The following AIG1 variants were observed in gnomAD, a reference collection of about 807,000 sequenced individuals.
The protein encoded by AIG1 is androgen induced 1, also known as androgen-induced gene 1 protein.
AIG1 carries 23 observed loss-of-function variants against 31.4 expected under a neutral mutation model. The ratio of observed to expected loss-of-function variants is 0.73; its 90% CI spans 0.53 to 1.04. The LOEUF is 1.04. AIG1 is among the 50% of genes least tolerant of loss of function. The pLI is 0.00. For synonymous variants in AIG1, 100 were observed against 110.5 expected, an observed-to-expected ratio of 0.90 and a Z score of 0.60; for missense variants, 274 against 295.0, an observed-to-expected ratio of 0.93 and a Z score of 0.52.
chr6:143,062,469 T>C (rs962174268), intron 1 of AIG1, among the ~76,000 whole-genome samples: 1 of 152,216 alleles, frequency 6.6e-6, no homozygotes, highest in Non-Finnish European at 1.5e-5. Context: ...TTTCTGTCTG[T>C]TCCTTTTAGC....
chr6:143,343,233 G>T (rs997018906), downstream of AIG1: 17 of 666,088 alleles, frequency 2.6e-5, no homozygotes, highest in Non-Finnish European at 4.9e-5. Context: ...GAAATTTTTT[G>T]ATTATGCAGC....
In AIG1 at chr6:143,153,021, G is replaced by A. The variant is rs530977247; in HGVS notation, c.298-12061G>A. 2.2e-4 allele frequency among the ~76,000 whole-genome samples: 33 copies of A among 152,298 alleles called. No individual in the cohort carries two copies. In the South Asian group the frequency reaches 6.6e-3, roughly 31 times the overall value. On this transcript the variant is annotated intron_variant, in intron 2 of 5. Coordinates refer to ENST00000357847, the MANE Select transcript of AIG1 (RefSeq NM_016108.4). The stretch of plus-strand genomic sequence containing the variant: ...AAGATTGGTGTGGTTTCAGCCTAAA[G>A]TCACGGGATGACACAGGGTACAACC...
intron 3 of AIG1, among the ~76,000 whole-genome samples, chr6:143,226,134 T>A (rs1021459328): frequency 6.6e-6 from 1 of 152,168 alleles, no homozygotes; most frequent in African/African-American, 2.4e-5. Flanking sequence ...TCAACATTTA[T>A]CCACTTGTTT....
chr6:143,248,962 T>C (rs1794803457), intron 3 of AIG1, among the ~76,000 whole-genome samples: 1 of 152,200 alleles, frequency 6.6e-6, no homozygotes, highest in Non-Finnish European at 1.5e-5. Flanking sequence ...GTTCATTCTT[T>C]AGAGGGAAAT....
intron 1 of AIG1, among the ~76,000 whole-genome samples, chr6:143,101,907 T>C (rs999638857): frequency 3.9e-5 from 6 of 152,034 alleles, no homozygotes; most frequent in Non-Finnish European, 8.8e-5. Flanking sequence ...AATGCCCAAG[T>C]TTCCCTTTAT....
rs557258166 is a variant in AIG1 at position 143,159,080 on chromosome 6, G to A, written c.298-6002G>A. On this transcript the variant is annotated intron_variant, in intron 2 of 5. Transcript: ENST00000357847. Reference sequence around the variant, plus strand: ...CAACAGAGCCCTGGAGGGTCTAGTGGTGGCTTCCATGTGGAGGTGCTATTT... The same window carrying A: ...CAACAGAGCCCTGGAGGGTCTAGTGATGGCTTCCATGTGGAGGTGCTATTT... Among the ~76,000 whole-genome samples, 26 of 152,344 alleles carry A rather than the reference G, an allele frequency of 1.7e-4. No homozygotes were observed. In the South Asian group the frequency reaches 5.4e-3, roughly 32 times the overall value.
intron 4 of AIG1, among the ~76,000 whole-genome samples, chr6:143,322,244 A>G (rs1776272672): frequency 6.6e-6 from 1 of 152,226 alleles, no homozygotes; most frequent in Admixed American, 6.5e-5. Flanking sequence ...AGTACCAAAA[A>G]TAAGCATCTA....
intron 4 of AIG1, among the ~76,000 whole-genome samples, chr6:143,300,933 A>C (rs1225585096): frequency 1.3e-5 from 2 of 152,082 alleles, no homozygotes; most frequent in East Asian, 3.8e-4. Flanking sequence ...CACTTTTAAT[A>C]GTTTATTTTA....
rs1002413432 is a variant in AIG1, at chr6:143,330,930, A to T, written c.516-2352A>T. Among the ~76,000 whole-genome samples, 1 of 152,228 alleles carries T rather than the reference A, an allele frequency of 6.6e-6. No individual in the cohort carries two copies. Among genetic ancestry groups the T allele is most frequent in the Non-Finnish European group, 1.5e-5 (1 of 68,042 alleles). On this transcript the variant is annotated intron_variant, in intron 4 of 5. Transcript: ENST00000357847. The surrounding 1 kb of genome is among the most constrained non-coding windows in gnomAD (Gnocchi z 4.4). ...CTCAGAATCCCACAGGGTAGTTCTAACCATTTAATTTCTGCGGATTCTCAC... is the reference window on the plus strand; with the variant it reads ...CTCAGAATCCCACAGGGTAGTTCTATCCATTTAATTTCTGCGGATTCTCAC...
intron 4 of AIG1, among the ~76,000 whole-genome samples, chr6:143,306,031 C>T (rs11155290): frequency 7.0e-6 from 1 of 143,830 alleles, no homozygotes; most frequent in African/African-American, 2.6e-5. Context: ...TGTTTTATCA[C>T]AGACTAGGAT....
At chr6:143,274,705 T>C (rs2128670536) in intron 3 of AIG1, among the ~76,000 whole-genome samples, 1 of 151,842 alleles carries the variant, frequency 6.6e-6, no homozygotes, top group South Asian at 2.1e-4. Context: ...CAAACGAGCA[T>C]GGGAAGCAGT....
chr6:143,205,321 G>T (rs1350584596), intron 3 of AIG1, among the ~76,000 whole-genome samples: 1 of 152,200 alleles, frequency 6.6e-6, no homozygotes, highest in Non-Finnish European at 1.5e-5. Flanking sequence ...AGCTGTATGA[G>T]GGTGACAGTC....
chr6:143,135,445 CA>C (rs1477948833), intron 1 of AIG1, among the ~76,000 whole-genome samples: 2 of 152,116 alleles, frequency 1.3e-5, no homozygotes, highest in Admixed American at 6.5e-5. Flanking sequence ...TTCTAGTTAT[CA>C]AAACATGACT....
chr6:143,146,576 C>T (rs915457371), intron 2 of AIG1, among the ~76,000 whole-genome samples: 20 of 151,818 alleles, frequency 1.3e-4, no homozygotes, highest in African/African-American at 3.6e-4. Context: ...TCTCCTTTCA[C>T]CTCATCCCTC....
At chr6:143,165,410 C>T (rs1473806903) in intron 3 of AIG1, among the ~76,000 whole-genome samples, 1 of 152,136 alleles carries the variant, frequency 6.6e-6, no homozygotes, top group East Asian at 1.9e-4. Flanking sequence ...GATGAATCCA[C>T]AGATTATTAA....
At chr6:143,072,128 C>T (rs1231515889) in intron 1 of AIG1, among the ~76,000 whole-genome samples, 3 of 151,988 alleles carry the variant, frequency 2.0e-5, no homozygotes, top group African/African-American at 7.2e-5. Flanking sequence ...AAATGGCTAA[C>T]GACGTTGAAT....
At chr6:143,189,380 C>A (rs56057685) in intron 3 of AIG1, 150,529 of 965,814 alleles carry the variant, frequency 0.16, 12,679 homozygotes, top group Non-Finnish European at 0.17. Context: ...CCACACCCAG[C>A]CCCTGCTCAC....
intron 1 of AIG1, among the ~76,000 whole-genome samples, chr6:143,109,949 A>C (rs571966146): frequency 1.3e-5 from 2 of 152,310 alleles, no homozygotes; most frequent in Admixed American, 1.3e-4. Flanking sequence ...ATATTTACCC[A>C]ATCCAAGGTC....
rs1776534263 is a variant in AIG1, at chr6:143,325,465, G to A, written c.516-7817G>A. Reference sequence around the variant, plus strand: ...GACTGCCTTCAGAACATCTCCACTTGGATATTTTACAGGTACCTCAAACTC... The same window carrying A: ...GACTGCCTTCAGAACATCTCCACTTAGATATTTTACAGGTACCTCAAACTC... On this transcript the variant is annotated intron_variant, in intron 4 of 5. Transcript: ENST00000357847. The surrounding 1 kb of genome is among the most constrained non-coding windows in gnomAD (Gnocchi z 4.3). 6.6e-6 allele frequency among the ~76,000 whole-genome samples: 1 copy of A among 152,036 alleles called. No homozygotes were observed. The highest frequency in any genetic ancestry group is 2.1e-4 in the South Asian group (1 of 4,828).
Sources: allele counts gnomAD v4.1 joint callset (sites outside exome capture counted in the v4.1 genomes callset), GRCh38; gene constraint gnomAD v4.1.1; non-coding constraint Gnocchi (gnomAD v3.1); transcripts MANE v1.5; gene names NCBI Gene and HGNC (gene_info 2026-07-23, HGNC 2026-07-21).